The following BTBD16 variants were observed in gnomAD, a reference collection of about 807,000 sequenced individuals.
BTBD16 encodes the protein BTB/POZ domain-containing protein 16.
BTBD16 carries 66 observed loss-of-function variants against 67.4 expected under a neutral mutation model. The observed-to-expected ratio is 0.98, with a 90% confidence interval of 0.80 to 1.20. BTBD16 has a LOEUF of 1.20. Ranked by LOEUF, BTBD16 falls within the 50% of genes most tolerant of loss-of-function variation. BTBD16 has a pLI of 0.00. For synonymous variants in BTBD16, 242 were observed against 236.4 expected (o/e 1.02, Z -0.22); for missense variants, 634 against 616.0 (o/e 1.03, Z -0.31).
chr10:122,298,079 A>C (rs941005433), intron 8 of BTBD16, among the ~76,000 whole-genome samples: 10 of 152,334 alleles, frequency 6.6e-5, no homozygotes, highest in South Asian at 4.1e-4. Context: ...TGGGGGAAGA[A>C]GCAGCATAGC....
chr10:122,336,211 A>G (rs2096463006), intron 14 of BTBD16, among the ~76,000 whole-genome samples: 1 of 152,158 alleles, frequency 6.6e-6, no homozygotes, highest in Non-Finnish European at 1.5e-5. Context: ...TGAGTACTAC[A>G]TTGGTTTTTT....
intron 7 of BTBD16, among the ~76,000 whole-genome samples, chr10:122,294,795 C>T (rs1338480254): frequency 1.3e-5 from 2 of 152,226 alleles, no homozygotes; most frequent in Non-Finnish European, 2.9e-5. Flanking sequence ...CATTCCAGTC[C>T]AGCCCAGCCA....
In BTBD16 at chr10:122,336,660, C is replaced by A. The variant is rs372322671; in HGVS notation, c.1430C>A (p.Thr477Asn). ...CAGATCAAGCAGAAGTTTGGGTTGACCACGTCATCCTGCAAAAGCCATGCA... is the reference window on the plus strand; with the variant it reads ...CAGATCAAGCAGAAGTTTGGGTTGAACACGTCATCCTGCAAAAGCCATGCA... ...TNQIKQKFGLTTSSCKSHTLK... is the reference protein window; with the variant it reads ...TNQIKQKFGLNTSSCKSHTLK... The change falls in exon 15 of 16, where the codon ACC (threonine) becomes AAC (asparagine). Residue 477 changes from threonine to asparagine, a missense_variant. Physicochemically the swap from Thr to Asn is moderately conservative, Grantham distance 65. Coordinates refer to ENST00000260723, the MANE Select transcript of BTBD16 (RefSeq NM_144587.5). 3.1e-6 allele frequency: 5 copies of A among 1,587,338 alleles called. No individual in the cohort carries two copies. The highest frequency in any genetic ancestry group is 4.3e-6 in the Non-Finnish European group (5 of 1,172,194).
chr10:122,321,167 C>T (rs1478180224), intron 10 of BTBD16, among the ~76,000 whole-genome samples: 2 of 152,118 alleles, frequency 1.3e-5, no homozygotes, highest in African/African-American at 2.4e-5. Context: ...ATTCATGTTG[C>T]TGCAAAGAAC....
At chr10:122,274,999 A>G (rs372045833) in intron 1 of BTBD16, 41 bp from the exon 2 acceptor site, 38 of 1,432,492 alleles carry the variant, frequency 2.7e-5, no homozygotes, top group Middle Eastern at 3.5e-4. Flanking sequence ...AATATTTTGA[A>G]AAGTATGGAA....
rs1011970289 is a variant in BTBD16, at chr10:122,272,706, C to CACACAG, written c.-43+1193_-43+1194insCACAGA. Among the ~76,000 whole-genome samples the CACACAG allele has an allele frequency of 2.7e-5, 4 of 149,188 alleles. No homozygotes were observed. In the East Asian group the frequency reaches 6.0e-4, roughly 22 times the overall value. The stretch of plus-strand genomic sequence containing the variant: ...ACACACACACACACACACACACACA[C>CACACAG]AGGACATATTTTCATACTAATGAAA... On this transcript the variant is annotated intron_variant, in intron 1 of 15. Transcript: ENST00000260723.
At chr10:122,276,985 T>C (rs1244717027) in intron 3 of BTBD16, 46 bp downstream of exon 3, 2 of 1,588,878 alleles carry the variant, frequency 1.3e-6, no homozygotes, top group Non-Finnish European at 8.6e-7. Context: ...CCATTATTCC[T>C]GGGAGGGGAG....
chr10:122,295,528 G>A (rs1280881008), intron 7 of BTBD16: 3 of 985,292 alleles, frequency 3.0e-6, no homozygotes, highest in Non-Finnish European at 2.4e-6. Context: ...CCTCCTGTGT[G>A]AAGGATGTGG....
At chr10:122,334,484 C>T (rs1212469405) in intron 13 of BTBD16, among the ~76,000 whole-genome samples, 24 of 125,704 alleles carry the variant, frequency 1.9e-4, no homozygotes, top group Non-Finnish European at 1.5e-4. Flanking sequence ...TGTGAGCCAC[C>T]GTGCCCGGCC....
intron 7 of BTBD16, among the ~76,000 whole-genome samples, chr10:122,294,478 A>T (rs2096379552): frequency 6.6e-6 from 1 of 152,232 alleles, no homozygotes; most frequent in Admixed American, 6.5e-5. Flanking sequence ...CTTTATTGGC[A>T]CTTGGGCTGG....
In BTBD16 at chr10:122,299,104, A is replaced by G. The variant is rs1345356850; in HGVS notation, c.761A>G (p.Asp254Gly). The change falls in exon 9 of 16, where the codon GAC becomes GGC. Residue 254 changes from aspartate to glycine, a missense_variant. Physicochemically the swap from Asp to Gly is moderately conservative, Grantham distance 94 (BLOSUM62 -1). Coordinates refer to ENST00000260723, the MANE Select transcript of BTBD16 (RefSeq NM_144587.5). ...ATCCACCTCCACAAAATCCCACAGG[A>G]CCTGCTCCACAAAGTGCTGAAGTCC... ...TQIHLHKIPQ[D>G]LLHKVLKSPR... 6.2e-7 allele frequency: 1 copy of G among 1,613,798 alleles called. No individual in the cohort carries two copies. The highest frequency in any genetic ancestry group is 8.5e-7 in the Non-Finnish European group (1 of 1,179,966).
At chr10:122,281,015 C>G (rs1043398104) in intron 3 of BTBD16, among the ~76,000 whole-genome samples, 1 of 152,084 alleles carries the variant, frequency 6.6e-6, no homozygotes, top group African/African-American at 2.4e-5. Context: ...CTATGTTGCC[C>G]AGGCTGGTCT....
chr10:122,293,944 A>C (rs1283820481), intron 7 of BTBD16: 2 of 169,964 alleles, frequency 1.2e-5, no homozygotes, highest in Non-Finnish European at 2.4e-5. Flanking sequence ...GAGATGAACC[A>C]AGAAGGGCAG....
intron 1 of BTBD16, among the ~76,000 whole-genome samples, chr10:122,272,831 T>A (rs2096331907): frequency 6.6e-6 from 1 of 152,116 alleles, no homozygotes; most frequent in Non-Finnish European, 1.5e-5. Context: ...AGAGGGCTCC[T>A]TAAAAAATGC....
intron 2 of BTBD16, among the ~76,000 whole-genome samples, chr10:122,275,488 G>A (rs1010133318): frequency 1.4e-4 from 21 of 152,072 alleles, no homozygotes; most frequent in African/African-American, 5.1e-4. Context: ...CCTCACTGTC[G>A]TTGTCACGAT....
intron 3 of BTBD16, among the ~76,000 whole-genome samples, chr10:122,278,767 G>A (rs1239907400): frequency 1.3e-5 from 2 of 152,196 alleles, no homozygotes; most frequent in South Asian, 2.1e-4. Flanking sequence ...ATGTCCAGAG[G>A]CAGCAGATAC....
intron 2 of BTBD16, among the ~76,000 whole-genome samples, chr10:122,275,396 T>C (rs1361472425): frequency 2.6e-5 from 4 of 152,214 alleles, no homozygotes; most frequent in Admixed American, 2.6e-4. Flanking sequence ...TACTAAGGCA[T>C]ATTTCCCAAA....
At chr10:122,308,314 G>A (rs1031425957) in intron 10 of BTBD16, among the ~76,000 whole-genome samples, 2 of 152,264 alleles carry the variant, frequency 1.3e-5, no homozygotes, top group East Asian at 3.9e-4. Flanking sequence ...AGCCAGAGAC[G>A]CCACAGCTCT....
intron 1 of BTBD16, among the ~76,000 whole-genome samples, chr10:122,272,569 G>C (rs1326900307): frequency 2.0e-5 from 3 of 152,104 alleles, no homozygotes; most frequent in Admixed American, 1.3e-4. Flanking sequence ...TTGAACTCCT[G>C]ACCTCAGGTG....
Sources: gnomAD v4.1 joint callset for allele counts (sites outside exome capture counted in the v4.1 genomes callset) on GRCh38, gnomAD v4.1.1 for gene constraint, MANE v1.5 for transcripts, NCBI Gene and HGNC (gene_info 2026-07-23, HGNC 2026-07-21) for gene names.